Variants in PSMA1 observed in about 807,000 individuals in gnomAD.
PSMA1 encodes the protein proteasome 20S subunit alpha 1.
In PSMA1, 3 loss-of-function variants were observed where a neutral mutation model predicts 38.4. The observed-to-expected ratio is 0.08, with a 90% confidence interval of 0.04 to 0.20. PSMA1 has a LOEUF of 0.20. Ranked by LOEUF, PSMA1 falls within the 10% of genes least tolerant of loss-of-function variation. The probability of loss-of-function intolerance (pLI) is 1.00; values close to 1 mark genes in which losing one functional copy is unlikely to be tolerated. For missense variants in PSMA1, 227 were observed against 325.3 expected, an observed-to-expected ratio of 0.70 and a Z score of 2.32; for synonymous variants, 101 against 107.1, an observed-to-expected ratio of 0.94 and a Z score of 0.35.
chr11:14,598,903 T>C (rs1324512031), intron 2 of PSMA1, among the ~76,000 whole-genome samples: 5 of 152,062 alleles, frequency 3.3e-5, no homozygotes, highest in Admixed American at 6.6e-5. Context: ...CCATGTTTAG[T>C]GCTTCCTTCA....
chr11:14,572,812 A>G (rs1852162674), intron 2 of PSMA1, among the ~76,000 whole-genome samples: 2 of 152,238 alleles, frequency 1.3e-5, no homozygotes, highest in South Asian at 4.1e-4. Context: ...AACAGACACA[A>G]TAAAAAATGA....
At chr11:14,516,622 C>T (rs1011764339) in intron 4 of PSMA1, among the ~76,000 whole-genome samples, 1 of 152,074 alleles carries the variant, frequency 6.6e-6, no homozygotes, top group African/African-American at 2.4e-5. Context: ...TTACAGTAGG[C>T]AATTTAAAAT....
chr11:14,631,503 T>C (rs1443638541), intron 1 of PSMA1, among the ~76,000 whole-genome samples: 1 of 152,206 alleles, frequency 6.6e-6, no homozygotes, highest in Non-Finnish European at 1.5e-5. Flanking sequence ...TCCTGAGTTC[T>C]AGTTTGATTG....
chr11:14,595,660 T>C (rs1852481506), intron 2 of PSMA1, among the ~76,000 whole-genome samples: 1 of 152,326 alleles, frequency 6.6e-6, no homozygotes, highest in South Asian at 2.1e-4. Flanking sequence ...GTCAGATAGG[T>C]AGATTGTAAA....
intron 1 of PSMA1, among the ~76,000 whole-genome samples, chr11:14,635,296 T>C (rs1404556760): frequency 6.6e-6 from 1 of 152,248 alleles, no homozygotes; most frequent in East Asian, 1.9e-4. Flanking sequence ...CATCCCAAAA[T>C]ACAGCATTAA....
intron 2 of PSMA1, among the ~76,000 whole-genome samples, chr11:14,531,219 T>C (rs1390288101): frequency 1.3e-5 from 2 of 152,162 alleles, no homozygotes; most frequent in Admixed American, 6.5e-5. Context: ...TGTTGAACTT[T>C]GGTGTACAAA....
chr11:14,510,602 T>C (rs1851327795), intron 8 of PSMA1, among the ~76,000 whole-genome samples: 1 of 152,194 alleles, frequency 6.6e-6, no homozygotes, highest in Non-Finnish European at 1.5e-5. Context: ...TATATATATT[T>C]TTGTTAACTA....
chr11:14,641,782 G>T (rs550145988), intron 1 of PSMA1, among the ~76,000 whole-genome samples: 6 of 152,284 alleles, frequency 3.9e-5, no homozygotes, highest in Non-Finnish European at 7.3e-5. Flanking sequence ...AATATAAAAG[G>T]TTGCTCTTGG....
intron 1 of PSMA1, among the ~76,000 whole-genome samples, chr11:14,620,520 G>T (rs927355412): frequency 6.6e-6 from 1 of 152,186 alleles, no homozygotes; most frequent in African/African-American, 2.4e-5. Context: ...AAACCATCTG[G>T]ATGTTAAAAG....
At chr11:14,638,937 T>G (rs1156548134) in intron 1 of PSMA1, among the ~76,000 whole-genome samples, 1 of 151,950 alleles carries the variant, frequency 6.6e-6, no homozygotes, top group Non-Finnish European at 1.5e-5. Context: ...CTGTTTATTG[T>G]TCAAGTTTCA....
At chr11:14,555,640 G>C (rs1851934265) in intron 2 of PSMA1, among the ~76,000 whole-genome samples, 1 of 152,058 alleles carries the variant, frequency 6.6e-6, no homozygotes, top group Non-Finnish European at 1.5e-5. Flanking sequence ...TTTCTCTCTT[G>C]ACTTTTCAGT....
At chr11:14,546,949 G>A (rs376721622) in intron 2 of PSMA1, among the ~76,000 whole-genome samples, 8 of 152,138 alleles carry the variant, frequency 5.3e-5, no homozygotes, top group African/African-American at 1.4e-4. Context: ...TTATGATAAA[G>A]CTTTAAATAG....
At chr11:14,626,534 T>A (rs186723824) in intron 1 of PSMA1, among the ~76,000 whole-genome samples, 12 of 152,310 alleles carry the variant, frequency 7.9e-5, no homozygotes, top group Admixed American at 6.5e-4. Context: ...TCATGATGTG[T>A]GTGCATGCAC....
chr11:14,551,216 G>T (rs1021932037), intron 2 of PSMA1, among the ~76,000 whole-genome samples: 1 of 152,150 alleles, frequency 6.6e-6, no homozygotes, highest in Non-Finnish European at 1.5e-5. Context: ...TGCTTCTGGT[G>T]TTTTGAATCC....
chr11:14,623,348 C>T (rs1487009250), intron 1 of PSMA1, among the ~76,000 whole-genome samples: 4 of 152,168 alleles, frequency 2.6e-5, no homozygotes, highest in African/African-American at 9.7e-5. Flanking sequence ...TGCATTACAA[C>T]CACATTCAAG....
chr11:14,533,388 T>G (rs1339860916), intron 2 of PSMA1, among the ~76,000 whole-genome samples: 1 of 152,182 alleles, frequency 6.6e-6, no homozygotes, highest in Non-Finnish European at 1.5e-5. Context: ...CTGTTGGTAC[T>G]CAAGAATCTG....
chr11:14,633,387 G>A (rs1395893497), intron 1 of PSMA1, among the ~76,000 whole-genome samples: 10 of 150,670 alleles, frequency 6.6e-5, no homozygotes, highest in South Asian at 2.1e-4. Flanking sequence ...GTCTGTTGGA[G>A]TACCCTGCCG....
intron 1 of PSMA1, among the ~76,000 whole-genome samples, chr11:14,633,086 C>T (rs1439349371): frequency 2.6e-5 from 4 of 151,920 alleles, no homozygotes; most frequent in African/African-American, 7.3e-5. Context: ...GTTTGAATGT[C>T]CTCCCATAGC....
Position 14,507,718 on chromosome 11 carries a change from C to G in PSMA1, c.673G>C (p.Asp225His). Residue 225 changes from aspartate (D) to histidine (H), a missense_variant, in exon 9 of 10, where the codon GAT becomes CAT. By Grantham distance (81) the Asp-to-His change is moderately conservative (BLOSUM62 -1). Transcript: ENST00000396394. ...VGKDLEFTIY[D>H]DDDVSPFLEG... ...AGGAATGGAGACACATCATCATCAT[C>G]ATAGATTGTAAACTCCAAGTCTTTA... The G allele has an allele frequency of 6.2e-7, 1 of 1,613,098 alleles. No individual in the cohort carries two copies. Among genetic ancestry groups the G allele is most frequent in the Non-Finnish European group, 8.5e-7 (1 of 1,179,368 alleles).
Sources: gnomAD v4.1 joint callset for allele counts (sites outside exome capture counted in the v4.1 genomes callset) on GRCh38, gnomAD v4.1.1 for gene constraint, MANE v1.5 for transcripts, NCBI Gene and HGNC (gene_info 2026-07-23, HGNC 2026-07-21) for gene names.